The following ABCD2 variants were observed in gnomAD, a reference collection of about 807,000 sequenced individuals.
The protein encoded by ABCD2 is ATP-binding cassette sub-family D member 2.
Under a neutral mutation model 70.9 loss-of-function variants are expected in ABCD2, and 36 were observed. The ratio of observed to expected loss-of-function variants is 0.51; its 90% CI spans 0.39 to 0.67. The LOEUF is 0.67. Among genes scored for constraint, ABCD2 ranks in the 30% least tolerant of loss-of-function variants. ABCD2 has a pLI of 0.00. For missense variants in ABCD2, 729 were observed against 890.2 expected (o/e 0.82, Z 2.30); for synonymous variants, 304 against 306.9 (o/e 0.99, Z 0.10).
the ABCD2 span, among the ~76,000 whole-genome samples, chr12:39,543,071 T>C: frequency 2.6e-5 from 4 of 152,358 alleles, no homozygotes. Context: ...AGAGAACCAG[T>C]GATTAGGATC....
chr12:39,579,622 TAAG>T lies in ABCD2; in HGVS notation c.1793-6_1793-4del, dbSNP rs1173171529. 1 of 1,595,692 alleles carries T rather than the reference TAAG, an allele frequency of 6.3e-7. No homozygotes were observed. Among genetic ancestry groups the T allele is most frequent in the East Asian group, 2.2e-5 (1 of 44,718 alleles). ...CCAGTCCATAACAGCATCCCATCCT[TAAG>T]AAAATAAAAAAATATACATTTTTAT... is the stretch of plus-strand genomic sequence containing the variant. On this transcript the variant is annotated splice_region_variant and splice_polypyrimidine_tract_variant and intron_variant, in intron 7 of 9. Coordinates refer to ENST00000308666, the MANE Select transcript of ABCD2 (RefSeq NM_005164.4).
chr12:39,586,169 A>G lies in ABCD2; in HGVS notation c.1775T>C (p.Ile592Thr). The G allele has an allele frequency of 6.2e-7, 1 of 1,612,448 alleles. No individual in the cohort carries two copies. Among genetic ancestry groups the G allele is most frequent in the Non-Finnish European group, 8.5e-7 (1 of 1,179,152 alleles). Residue 592 changes from isoleucine (I) to threonine (T), a missense_variant, in exon 7 of 10, where the codon ATA (isoleucine) becomes ACA (threonine). By Grantham distance (89) the Ile-to-Thr change is moderately conservative. Transcript: ENST00000308666. ...RILHNVHLYH[I>T]VQREGGWDAV... Reference sequence around the variant, plus strand: ...GACTTTACCTCCTTCTCTTTGAACTATGTGATAGAGATGGACATTGTGTAG... The same window carrying G: ...GACTTTACCTCCTTCTCTTTGAACTGTGTGATAGAGATGGACATTGTGTAG...
At chr12:39,616,957 T>C in intron 2 of ABCD2, 31 bp downstream of exon 2, 1 of 1,546,298 alleles carries the variant, frequency 6.5e-7, no homozygotes, top group Non-Finnish European at 8.7e-7. Context: ...ATGTTAAAAA[T>C]ATATTTGAGA....
chr12:39,568,554 T>C (rs1294588207), intron 9 of ABCD2, among the ~76,000 whole-genome samples: 1 of 152,130 alleles, frequency 6.6e-6, no homozygotes, highest in African/African-American at 2.4e-5. Context: ...GTTTTTAACT[T>C]GTTTTCCATG....
At chr12:39,566,372 C>T (rs546865344) in intron 9 of ABCD2, among the ~76,000 whole-genome samples, 18 of 152,196 alleles carry the variant, frequency 1.2e-4, no homozygotes, top group African/African-American at 4.1e-4. Context: ...TTGTTTGTGT[C>T]GAGGAATTTA....
chr12:39,574,646 A>C (rs954331431), intron 8 of ABCD2, among the ~76,000 whole-genome samples: 1 of 152,076 alleles, frequency 6.6e-6, no homozygotes, highest in African/African-American at 2.4e-5. Flanking sequence ...AGCTTAGTTA[A>C]TGGGAACAAA....
intron 9 of ABCD2, 31 bp from the exon 10 acceptor site, chr12:39,554,162 G>T (rs201341629): frequency 5.8e-6 from 9 of 1,563,432 alleles, no homozygotes; most frequent in East Asian, 2.3e-5. Flanking sequence ...AATATTATTA[G>T]CCATAATGTT....
downstream of ABCD2, among the ~76,000 whole-genome samples, chr12:39,547,939 T>TGTA (rs59404198): frequency 0.34 from 51,997 of 151,734 alleles, 10,951 homozygotes; most frequent in African/African-American, 0.6. Context: ...TGTGTCAGGT[T>TGTA]GTAAAATATA....
intron 8 of ABCD2, among the ~76,000 whole-genome samples, chr12:39,576,749 C>A (rs1591978599): frequency 6.6e-6 from 1 of 152,206 alleles, no homozygotes; most frequent in Admixed American, 6.5e-5. Context: ...ACAGAAATGT[C>A]TAGAGGGGAC....
chr12:39,595,685 T>C (rs76881880), intron 6 of ABCD2, among the ~76,000 whole-genome samples: 5,213 of 152,318 alleles, frequency 0.034, 126 homozygotes, highest in Non-Finnish European at 0.052. Flanking sequence ...TAGTAGTTAC[T>C]AGTTAGAAAT....
At chr12:39,590,524 C>A (rs1269444747) in intron 6 of ABCD2, among the ~76,000 whole-genome samples, 2 of 151,802 alleles carry the variant, frequency 1.3e-5, no homozygotes, top group Non-Finnish European at 1.5e-5. Context: ...AACAAATAAT[C>A]CTTATTTAAA....
At chr12:39,558,366 G>A (rs1941201500) in intron 9 of ABCD2, among the ~76,000 whole-genome samples, 1 of 152,188 alleles carries the variant, frequency 6.6e-6, no homozygotes, top group Non-Finnish European at 1.5e-5. Flanking sequence ...ACATTGAGGG[G>A]CTGTTGGAAG....
chr12:39,593,798 C>T (rs1941778253), intron 6 of ABCD2, among the ~76,000 whole-genome samples: 1 of 151,960 alleles, frequency 6.6e-6, no homozygotes, highest in Non-Finnish European at 1.5e-5. Flanking sequence ...TATATCTCAA[C>T]AAGAATTCTG....
At position 39,551,082 on chromosome 12, in the gene ABCD2, A is replaced by G. The variant is rs1279955367; in HGVS notation, c.*2830T>C. The stretch of plus-strand genomic sequence containing the variant: ...AAATGTAAATTTGAGTTGAGTTTTA[A>G]GGTATATCATTCTTCTTGAGATTAT... On this transcript the variant is annotated 3_prime_UTR_variant, in exon 10 of 10. Coordinates refer to ENST00000308666, the MANE Select transcript of ABCD2 (RefSeq NM_005164.4). 1 of 151,742 alleles carries G rather than the reference A, an allele frequency of 6.6e-6. No individual in the cohort carries two copies. Among genetic ancestry groups the G allele is most frequent in the Non-Finnish European group, 1.5e-5 (1 of 67,654 alleles). 9.4% of individuals were successfully genotyped at this position (151,742 alleles called of 1,614,324 possible). A position where few individuals can be genotyped will look rare whatever the true frequency, so the allele number is the denominator to read the frequency against.
intron 9 of ABCD2, among the ~76,000 whole-genome samples, chr12:39,569,275 C>G (rs1489395740): frequency 1.3e-5 from 2 of 152,226 alleles, no homozygotes; most frequent in Admixed American, 6.5e-5. Context: ...TGGGCTCCAC[C>G]CAGTTGGAGC....
rs181202883 is a variant in ABCD2 at position 39,607,852 on chromosome 12, G to A, written c.1121-138C>T. Reference sequence around the variant, plus strand: ...TTTCATTAGTAGTAGCAATTTTCTAGAAATATAATGAATCATTGAAAATTC... The same window carrying A: ...TTTCATTAGTAGTAGCAATTTTCTAAAAATATAATGAATCATTGAAAATTC... On this transcript the variant is annotated intron_variant, in intron 2 of 9. Coordinates refer to ENST00000308666, the MANE Select transcript of ABCD2 (RefSeq NM_005164.4). The A allele has an allele frequency of 2.2e-4, 142 of 647,010 alleles. No homozygotes were observed. In the African/African-American group the frequency reaches 2.3e-3, roughly 11 times the overall value. 40.1% of individuals were successfully genotyped at this position (647,010 alleles called of 1,614,324 possible). A position where few individuals can be genotyped will look rare whatever the true frequency, so the allele number is the denominator to read the frequency against.
chr12:39,560,453 A>G (rs1381977036), intron 9 of ABCD2, among the ~76,000 whole-genome samples: 1 of 152,136 alleles, frequency 6.6e-6, no homozygotes, highest in African/African-American at 2.4e-5. Flanking sequence ...CTATTGGTAA[A>G]TCACTTATTT....
chr12:39,605,473 C>A (rs895407609), intron 3 of ABCD2, among the ~76,000 whole-genome samples: 9 of 152,090 alleles, frequency 5.9e-5, no homozygotes, highest in African/African-American at 1.2e-4. Context: ...ATAATTCCCC[C>A]AATCCAGCTT....
chr12:39,533,373 T>C, the ABCD2 span, among the ~76,000 whole-genome samples: 1 of 152,102 alleles, frequency 6.6e-6, no homozygotes, highest in African/African-American at 2.4e-5. Flanking sequence ...ACAATCCATT[T>C]CCTCAAAAGA....
Sources: gnomAD v4.1 joint callset for allele counts (sites outside exome capture counted in the v4.1 genomes callset) on GRCh38, gnomAD v4.1.1 for gene constraint, MANE v1.5 for transcripts, NCBI Gene and HGNC (gene_info 2026-07-23, HGNC 2026-07-21) for gene names.